Variants in SGCZ observed in about 807,000 individuals in gnomAD.
SGCZ encodes zeta-sarcoglycan.
In SGCZ, 40 loss-of-function variants were observed where a neutral mutation model predicts 41.3. That is an observed-to-expected ratio of 0.97 (90% CI 0.75 to 1.26). The LOEUF is 1.26. Among genes scored for constraint, SGCZ ranks in the 50% most tolerant of loss-of-function variants. The probability of loss-of-function intolerance (pLI) is 0.00; values close to 1 mark genes in which losing one functional copy is unlikely to be tolerated. For synonymous variants in SGCZ, 206 were observed against 137.5 expected (o/e 1.50, Z -3.49); for missense variants, 552 against 369.8 (o/e 1.49, Z -4.04).
At chr8:15,101,337 T>C (rs1806604653) in intron 1 of SGCZ, among the ~76,000 whole-genome samples, 1 of 152,190 alleles carries the variant, frequency 6.6e-6, no homozygotes, top group East Asian at 1.9e-4. Flanking sequence ...TTAAAACTCA[T>C]GTCTGATAAA....
At chr8:15,148,335 G>C (rs1799089770) in intron 1 of SGCZ, among the ~76,000 whole-genome samples, 1 of 152,150 alleles carries the variant, frequency 6.6e-6, no homozygotes, top group Admixed American at 6.6e-5. Flanking sequence ...GGAGCTCACT[G>C]ATGGTTAATG....
At chr8:14,570,851 C>G (rs1413426926) in intron 1 of SGCZ, among the ~76,000 whole-genome samples, 1 of 152,016 alleles carries the variant, frequency 6.6e-6, no homozygotes. Context: ...CAATTGAAAA[C>G]AACTTTCAAT....
chr8:14,996,314 T>C (rs1802216601), intron 1 of SGCZ, among the ~76,000 whole-genome samples: 2 of 152,248 alleles, frequency 1.3e-5, no homozygotes, highest in Non-Finnish European at 2.9e-5. Flanking sequence ...AGCATGTCTC[T>C]TTAACCATGC....
chr8:14,760,044 C>T (rs1015215701), intron 1 of SGCZ, among the ~76,000 whole-genome samples: 18 of 152,142 alleles, frequency 1.2e-4, no homozygotes, highest in Admixed American at 1.2e-3. Context: ...ATTCTAAATG[C>T]ACAATTCCTC....
At chr8:14,687,652 C>T (rs28842205) in intron 1 of SGCZ, among the ~76,000 whole-genome samples, 62,300 of 151,080 alleles carry the variant, frequency 0.41, 14,402 homozygotes, top group Non-Finnish European at 0.54. Flanking sequence ...CTGCAATAAA[C>T]ATACATGTGC....
chr8:14,960,931 GCACACACACACA>G (rs56258079), intron 1 of SGCZ, among the ~76,000 whole-genome samples: 4 of 144,370 alleles, frequency 2.8e-5, no homozygotes, highest in African/African-American at 5.2e-5. Context: ...CAAGGAAATG[GCACACACACACA>G]CACACACACA....
intron 2 of SGCZ, among the ~76,000 whole-genome samples, chr8:14,436,991 G>C (rs73517462): frequency 0.013 from 2,031 of 152,234 alleles, 41 homozygotes; most frequent in African/African-American, 0.046. Context: ...GCAAAAGCCA[G>C]AATTTTGAAA....
intron 1 of SGCZ, among the ~76,000 whole-genome samples, chr8:15,203,502 A>G (rs1228442232): frequency 1.3e-5 from 2 of 152,172 alleles, no homozygotes; most frequent in African/African-American, 4.8e-5. Flanking sequence ...AAATTTCACT[A>G]TATGGCAAGT....
chr8:15,177,532 T>C (rs1224281716), intron 1 of SGCZ, among the ~76,000 whole-genome samples: 1 of 152,206 alleles, frequency 6.6e-6, no homozygotes, highest in Non-Finnish European at 1.5e-5. Flanking sequence ...TTGTAAATGA[T>C]CATTTTTTAA....
At chr8:14,464,097 T>C (rs1241818015) in intron 2 of SGCZ, among the ~76,000 whole-genome samples, 1 of 151,676 alleles carries the variant, frequency 6.6e-6, no homozygotes, top group Non-Finnish European at 1.5e-5. Flanking sequence ...TGTATTTTTG[T>C]CTTGCTTTGC....
At chr8:14,184,607 T>C (rs951111035) in intron 4 of SGCZ, among the ~76,000 whole-genome samples, 3 of 152,234 alleles carry the variant, frequency 2.0e-5, no homozygotes, top group Non-Finnish European at 4.4e-5. Context: ...ATGTTATCAA[T>C]GCTACTTCCT....
chr8:15,120,501 T>C (rs996893576), intron 1 of SGCZ, among the ~76,000 whole-genome samples: 2 of 152,232 alleles, frequency 1.3e-5, no homozygotes, highest in Non-Finnish European at 2.9e-5. Flanking sequence ...TAAAGTGGCA[T>C]TAACTTTCAG....
chr8:14,767,403 G>C (rs1800072353), intron 1 of SGCZ, among the ~76,000 whole-genome samples: 3 of 152,258 alleles, frequency 2.0e-5, no homozygotes, highest in South Asian at 2.1e-4. Flanking sequence ...GTAGACCCAG[G>C]AAAACAGAAA....
chr8:15,091,384 A>G (rs1276348405), intron 1 of SGCZ, among the ~76,000 whole-genome samples: 2 of 152,208 alleles, frequency 1.3e-5, no homozygotes, highest in East Asian at 3.9e-4. Context: ...TTACAAGAAA[A>G]TGTGTATTTT....
chr8:14,857,397 C>T (rs949764834), intron 1 of SGCZ, among the ~76,000 whole-genome samples: 2 of 152,098 alleles, frequency 1.3e-5, no homozygotes, highest in South Asian at 2.1e-4. Flanking sequence ...ATTTGTATTA[C>T]GATTCTTTTA....
intron 3 of SGCZ, among the ~76,000 whole-genome samples, chr8:14,301,844 T>C (rs566424076): frequency 5.3e-5 from 8 of 152,282 alleles, no homozygotes; most frequent in African/African-American, 7.2e-5. Flanking sequence ...CTATCTCTTT[T>C]AGAAAATGGG....
intron 1 of SGCZ, among the ~76,000 whole-genome samples, chr8:15,009,404 G>C (rs1802744526): frequency 2.1e-5 from 1 of 46,776 alleles, no homozygotes; most frequent in Non-Finnish European, 5.0e-5. Context: ...CTCCAACGTT[G>C]GGTATTACAA....
intron 1 of SGCZ, among the ~76,000 whole-genome samples, chr8:15,217,824 A>T (rs2117176738): frequency 2.0e-5 from 3 of 152,332 alleles, no homozygotes; most frequent in Middle Eastern, 6.8e-3. Flanking sequence ...CGTGGCATTC[A>T]TGCCTATAAT....
At chr8:14,267,042 G>A (rs955295620) in intron 3 of SGCZ, among the ~76,000 whole-genome samples, 5 of 151,978 alleles carry the variant, frequency 3.3e-5, no homozygotes, top group African/African-American at 7.2e-5. Flanking sequence ...TGTTTTTACA[G>A]GGTTTCACTT....
Sources: allele counts gnomAD v4.1 joint callset (sites outside exome capture counted in the v4.1 genomes callset), GRCh38; gene constraint gnomAD v4.1.1; transcripts MANE v1.5; gene names NCBI Gene and HGNC (gene_info 2026-07-23, HGNC 2026-07-21).